Variants in NTNG2 observed in about 807,000 individuals in gnomAD.
NTNG2 encodes netrin-G2.
In NTNG2, 15 loss-of-function variants were observed where a neutral mutation model predicts 47.6. The observed-to-expected ratio is 0.32, with a 90% confidence interval of 0.21 to 0.49. The LOEUF (loss-of-function observed/expected upper bound fraction) is 0.49. Ranked by LOEUF, NTNG2 falls within the 20% of genes least tolerant of loss-of-function variation. The probability of loss-of-function intolerance (pLI) is 0.99; values close to 1 mark genes in which losing one functional copy is unlikely to be tolerated. For missense variants in NTNG2, 578 were observed against 764.6 expected, an observed-to-expected ratio of 0.76 and a Z score of 2.88; for synonymous variants, 307 against 324.6, an observed-to-expected ratio of 0.95 and a Z score of 0.58.
chr9:132,165,842 T>C (rs1249502678), intron 1 of NTNG2, among the ~76,000 whole-genome samples: 1 of 152,254 alleles, frequency 6.6e-6, no homozygotes, highest in East Asian at 1.9e-4. Context: ...GATCTCCAAA[T>C]GTGCAACTCT....
chr9:132,230,338 G>A (rs1354905313), intron 4 of NTNG2, among the ~76,000 whole-genome samples: 1 of 152,214 alleles, frequency 6.6e-6, no homozygotes, highest in Non-Finnish European at 1.5e-5. Context: ...TGCAAAATGG[G>A]CCAATAGTGG....
rs1839923781 is a variant in NTNG2 at position 132,215,749 on chromosome 9, G to A, written c.858-11100G>A. ...GAGAGAGGCTCTGGGGTGGGTGTTG[G>A]ACGGGACAGCATGAATAAGGGGCCC... is the stretch of plus-strand genomic sequence containing the variant. On this transcript the variant is annotated intron_variant, in intron 3 of 7. Coordinates refer to ENST00000393229, the MANE Select transcript of NTNG2 (RefSeq NM_032536.4). The surrounding 1 kb of genome is among the most constrained non-coding windows in gnomAD (Gnocchi z 4.2). 6.6e-6 allele frequency among the ~76,000 whole-genome samples: 1 copy of A among 152,096 alleles called. No homozygotes were observed. Among genetic ancestry groups the A allele is most frequent in the African/African-American group, 2.4e-5 (1 of 41,396 alleles).
intron 4 of NTNG2, among the ~76,000 whole-genome samples, chr9:132,229,518 T>A (rs537165996): frequency 5.3e-5 from 8 of 152,166 alleles, no homozygotes; most frequent in Non-Finnish European, 8.8e-5. Context: ...AGGGCCCAAC[T>A]TGGAGCCCCC....
At chr9:132,175,113 G>A (rs1836323469) in intron 2 of NTNG2, among the ~76,000 whole-genome samples, 1 of 152,144 alleles carries the variant, frequency 6.6e-6, no homozygotes, top group East Asian at 1.9e-4. Context: ...CAGAGACGCA[G>A]GGAAGGGGGC....
At position 132,215,087 on chromosome 9, in the gene NTNG2, G is replaced by T. The variant is rs907453052; in HGVS notation, c.858-11762G>T. ...TTTTTTTGTAGAGATTGGGGGGGGG[G>T]GTCTCACTTTCTTGCCCAGGCTGGT... On this transcript the variant is annotated intron_variant, in intron 3 of 7. Transcript: ENST00000393229. This position sits in a 1 kb window ranked among gnomAD's most constrained non-coding sequence, Gnocchi z 4.2. 0.011 allele frequency among the ~76,000 whole-genome samples: 1,607 copies of T among 141,730 alleles called. 28 individuals are homozygous for T. Among genetic ancestry groups the T allele is most frequent in the African/African-American group, 0.039 (1,524 of 38,590 alleles). 93.0% of individuals were successfully genotyped at this position (141,730 alleles called of 152,430 possible).
At chr9:132,192,705 C>G (rs1294887893) in intron 2 of NTNG2, among the ~76,000 whole-genome samples, 2 of 152,288 alleles carry the variant, frequency 1.3e-5, no homozygotes, top group East Asian at 3.9e-4. Flanking sequence ...CTGGGATGCT[C>G]CACACTCCTG....
At chr9:132,185,041 G>C (rs919298155) in intron 2 of NTNG2, among the ~76,000 whole-genome samples, 7 of 152,304 alleles carry the variant, frequency 4.6e-5, no homozygotes, top group Non-Finnish European at 1.0e-4. Flanking sequence ...TGGAGACAAA[G>C]GGAAGGGTGT....
chr9:132,199,647 C>T (rs545794003), intron 3 of NTNG2, among the ~76,000 whole-genome samples: 18 of 152,314 alleles, frequency 1.2e-4, no homozygotes, highest in East Asian at 1.9e-4. Flanking sequence ...CGAGCTGATA[C>T]TACATGGCCC....
At position 132,226,573 on chromosome 9, in the gene NTNG2, C is replaced by T. The variant is rs187332456; in HGVS notation, c.858-276C>T. Among the ~76,000 whole-genome samples the T allele has an allele frequency of 6.6e-6, 1 of 152,244 alleles. No homozygotes were observed. The highest frequency in any genetic ancestry group is 2.4e-5 in the African/African-American group (1 of 41,464). ...AAGGCAGTATCATCACTCTCCCCAA[C>T]TGAGATGTGAGGAATCCTTGAAACC... is the stretch of plus-strand genomic sequence containing the variant. On this transcript the variant is annotated intron_variant, in intron 3 of 7. Coordinates refer to ENST00000393229, the MANE Select transcript of NTNG2 (RefSeq NM_032536.4). The surrounding 1 kb of genome is among the most constrained non-coding windows in gnomAD (Gnocchi z 4.8).
chr9:132,174,539 G>T (rs191933395), intron 2 of NTNG2, among the ~76,000 whole-genome samples: 18 of 152,186 alleles, frequency 1.2e-4, no homozygotes, highest in Non-Finnish European at 2.6e-4. Flanking sequence ...TGGGCATGGC[G>T]CTGGACACAA....
intron 2 of NTNG2, among the ~76,000 whole-genome samples, chr9:132,188,517 A>C (rs1373383131): frequency 1.3e-5 from 2 of 152,212 alleles, no homozygotes; most frequent in Non-Finnish European, 2.9e-5. Flanking sequence ...GACATTGCTC[A>C]GCCTCTCTGA....
chr9:132,226,738 G>A lies in NTNG2; in HGVS notation c.858-111G>A, dbSNP rs1278203783. On this transcript the variant is annotated intron_variant, in intron 3 of 7. Transcript: ENST00000393229. This position sits in a 1 kb window ranked among gnomAD's most constrained non-coding sequence, Gnocchi z 4.8. ...TGGTGGCCTCCAGGGTTTCTTCCTG[G>A]GCAGCCCAACACCCTCCTGGGCCCC... 1.8e-5 allele frequency: 17 copies of A among 924,378 alleles called. No individual in the cohort carries two copies. The East Asian group carries it at 5.1e-4, about 28-fold the overall frequency. 57.3% of individuals were successfully genotyped at this position (924,378 alleles called of 1,614,324 possible). A position where few individuals can be genotyped will look rare whatever the true frequency, so the allele number is the denominator to read the frequency against.
intron 7 of NTNG2, 139 bp downstream of exon 7, chr9:132,241,183 G>GT (rs1465664351): frequency 2.3e-5 from 25 of 1,094,688 alleles, no homozygotes; most frequent in Non-Finnish European, 2.1e-5. Flanking sequence ...GGGGAAGTGG[G>GT]TGGGGCCTAG....
chr9:132,170,598 C>T (rs7855758), intron 2 of NTNG2, among the ~76,000 whole-genome samples: 1 of 152,016 alleles, frequency 6.6e-6, no homozygotes, highest in East Asian at 1.9e-4. Context: ...CTGCAAGACA[C>T]GTCTCCCGCC....
rs1564399011 is a variant in NTNG2, at chr9:132,189,062, GCC to G, written c.214-8903_214-8902del. ...AAGTTTTATGTGAAAAAGGCTTTAA[GCC>G]TTTCTTTTTTTTTTTTTTTTTTTTT... On this transcript the variant is annotated intron_variant, in intron 2 of 7. Transcript: ENST00000393229. Among the ~76,000 whole-genome samples the G allele has an allele frequency of 2.9e-4, 25 of 87,258 alleles. No homozygotes were observed. The East Asian group carries it at 4.4e-3, about 15-fold the overall frequency. 57.2% of individuals were successfully genotyped at this position (87,258 alleles called of 152,430 possible).
At chr9:132,186,852 T>C (rs969927865) in intron 2 of NTNG2, among the ~76,000 whole-genome samples, 2 of 152,274 alleles carry the variant, frequency 1.3e-5, no homozygotes, top group African/African-American at 2.4e-5. Context: ...GTTTGTCATA[T>C]ACCGCTGTGT....
At chr9:132,181,019 G>A (rs1836897022) in intron 2 of NTNG2, among the ~76,000 whole-genome samples, 1 of 152,174 alleles carries the variant, frequency 6.6e-6, no homozygotes, top group Admixed American at 6.5e-5. Flanking sequence ...TGCCTTCTGG[G>A]GGCTCTTCTA....
At chr9:132,201,036 C>G (rs2130754033) in intron 3 of NTNG2, among the ~76,000 whole-genome samples, 1 of 152,384 alleles carries the variant, frequency 6.6e-6, no homozygotes, top group South Asian at 2.1e-4. Flanking sequence ...TGACCTTGGA[C>G]TGCTCAGGGA....
chr9:132,209,327 T>C (rs1839408917), intron 3 of NTNG2, among the ~76,000 whole-genome samples: 6 of 152,080 alleles, frequency 3.9e-5, no homozygotes, highest in Admixed American at 3.9e-4. Flanking sequence ...TTGTGAGCGT[T>C]TTGGAGGCAT....
Sources: allele counts gnomAD v4.1 joint callset (sites outside exome capture counted in the v4.1 genomes callset), GRCh38; gene constraint gnomAD v4.1.1; non-coding constraint Gnocchi (gnomAD v3.1); transcripts MANE v1.5; gene names NCBI Gene and HGNC (gene_info 2026-07-23, HGNC 2026-07-21).